The following TAOK3 variants were observed in gnomAD, a reference collection of about 807,000 sequenced individuals.
TAOK3 encodes the protein TAO kinase 3, also known as serine/threonine-protein kinase TAO3.
In TAOK3, 40 loss-of-function variants were observed where a neutral mutation model predicts 120.4. That is an observed-to-expected ratio of 0.33 (90% CI 0.26 to 0.43). TAOK3 has a LOEUF of 0.43. TAOK3 is among the 20% of genes least tolerant of loss of function. TAOK3 has a pLI of 1.00. For synonymous variants in TAOK3, 355 were observed against 387.5 expected, an observed-to-expected ratio of 0.92 and a Z score of 0.99; for missense variants, 821 against 1,112.1, an observed-to-expected ratio of 0.74 and a Z score of 3.72.
chr12:118,354,739 GCT>G (rs913245907), intron 1 of TAOK3, among the ~76,000 whole-genome samples: 7 of 152,090 alleles, frequency 4.6e-5, no homozygotes, highest in Non-Finnish European at 1.0e-4. Context: ...CTCTGCACAA[GCT>G]CTCTTTTTTG....
At position 118,199,121 on chromosome 12, in the gene TAOK3, C is replaced by A; in HGVS notation, c.1124G>T (p.Ser375Ile). ...NSMQEVMDESSSELVMMHDDE... is the reference protein window; with the variant it reads ...NSMQEVMDESISELVMMHDDE... ...ATCGTGCATCATGACAAGTTCGGAA[C>A]TGCTCTCGTCCATGACTTCCTGCAT... Residue 375 changes from serine (S) to isoleucine (I), a missense_variant, in exon 13 of 21, where the codon AGT (serine) becomes ATT (isoleucine). By Grantham distance (142) the Ser-to-Ile change is moderately radical. Transcript: ENST00000392533. 1 of 1,614,168 alleles carries A rather than the reference C, an allele frequency of 6.2e-7. No individual in the cohort carries two copies. The highest frequency in any genetic ancestry group is 2.2e-5 in the East Asian group (1 of 44,882).
intron 1 of TAOK3, among the ~76,000 whole-genome samples, chr12:118,282,902 G>A (rs1251077803): frequency 6.6e-6 from 1 of 152,188 alleles, no homozygotes; most frequent in Admixed American, 6.5e-5. Flanking sequence ...ACAGCAGAAG[G>A]AAGAACACTG....
At position 118,255,519 on chromosome 12, in the gene TAOK3, T is replaced by C. The variant is rs1479891437; in HGVS notation, c.49A>G (p.Lys17Glu). The C allele has an allele frequency of 6.2e-7, 1 of 1,614,176 alleles. No individual in the cohort carries two copies. Among genetic ancestry groups the C allele is most frequent in the East Asian group, 2.2e-5 (1 of 44,884 alleles). ...KDPEIADLFYKDDPEELFIGL... is the reference protein window; with the variant it reads ...KDPEIADLFYEDDPEELFIGL... ...ATAAAAAGTTCCTCAGGATCATCTTTGTAGAATAGATCGGCAATCTCTGGG... is the reference window on the plus strand; with the variant it reads ...ATAAAAAGTTCCTCAGGATCATCTTCGTAGAATAGATCGGCAATCTCTGGG... The change falls in exon 3 of 21, where the codon AAA (lysine) becomes GAA (glutamate). Residue 17 changes from lysine (K) to glutamate (E), a missense_variant. Transcript: ENST00000392533.
chr12:118,258,482 G>A (rs1003595664), intron 2 of TAOK3, among the ~76,000 whole-genome samples: 1 of 152,166 alleles, frequency 6.6e-6, no homozygotes, highest in Admixed American at 6.5e-5. Flanking sequence ...GGGAGGCCAA[G>A]GCAGGCAGAT....
Position 118,310,953 on chromosome 12 carries a change from A to G in TAOK3, c.-193-44194T>C, listed in dbSNP as rs142942203. 2.4e-4 allele frequency among the ~76,000 whole-genome samples: 36 copies of G among 152,328 alleles called. No individual in the cohort carries two copies. In the Middle Eastern group the frequency reaches 0.01, roughly 43 times the overall value. ...CCACAAATAATAGTTATTTTAATCT[A>G]TATCCACAAATAATAGTTACTGGCT... On this transcript the variant is annotated intron_variant, in intron 1 of 20. Coordinates refer to ENST00000392533, the MANE Select transcript of TAOK3 (RefSeq NM_016281.4).
Position 118,230,460 on chromosome 12 carries a change from G to GTTT in TAOK3, c.643+3211_643+3213dup, listed in dbSNP as rs71069433. Among the ~76,000 whole-genome samples, 51 of 50,032 alleles carry GTTT rather than the reference G, an allele frequency of 1.0e-3. 8 individuals carry two copies. The highest frequency in any genetic ancestry group is 1.4e-3 in the Non-Finnish European group (40 of 27,596). The allele number at this position is 50,032 out of a possible 152,430, so 32.8% of individuals were successfully genotyped here. A position where few individuals can be genotyped will look rare whatever the true frequency, so the allele number is the denominator to read the frequency against. ...GACTTCTGGGATTACCCTGTGAAGT[G>GTTT]TTTTTTTTTTTTTTTTTTTTTTTTT... On this transcript the variant is annotated intron_variant, in intron 9 of 20. Transcript: ENST00000392533.
chr12:118,368,917 G>A (rs1353279799), intron 1 of TAOK3, among the ~76,000 whole-genome samples: 1 of 151,124 alleles, frequency 6.6e-6, no homozygotes, highest in Non-Finnish European at 1.5e-5. Flanking sequence ...CCAGCACTTT[G>A]GCAGGTGGAG....
intron 1 of TAOK3, among the ~76,000 whole-genome samples, chr12:118,319,296 A>T (rs549944952): frequency 3.9e-5 from 6 of 152,344 alleles, no homozygotes; most frequent in Non-Finnish European, 8.8e-5. Context: ...TTTTACAGGA[A>T]ACAAAAGAAA....
At chr12:118,221,791 C>T (rs757703711) in intron 9 of TAOK3, among the ~76,000 whole-genome samples, 12 of 151,738 alleles carry the variant, frequency 7.9e-5, no homozygotes, top group Non-Finnish European at 1.5e-4. Context: ...CCCGCCACCA[C>T]GCCCGGCTAA....
intron 1 of TAOK3, among the ~76,000 whole-genome samples, chr12:118,338,952 A>G (rs1396958709): frequency 6.6e-6 from 1 of 152,134 alleles, no homozygotes; most frequent in Non-Finnish European, 1.5e-5. Flanking sequence ...AGAATAGAAC[A>G]TTCAAATGCA....
intron 3 of TAOK3, among the ~76,000 whole-genome samples, chr12:118,251,031 C>T (rs1302171161): frequency 6.6e-6 from 1 of 152,124 alleles, no homozygotes; most frequent in Non-Finnish European, 1.5e-5. Context: ...CATGAAGGAC[C>T]TTGTGGGCTG....
chr12:118,232,285 C>A (rs2039818045), intron 9 of TAOK3, among the ~76,000 whole-genome samples: 1 of 152,206 alleles, frequency 6.6e-6, no homozygotes, highest in African/African-American at 2.4e-5. Flanking sequence ...TTCTGTGGCA[C>A]TTTAGACAAT....
rs1189459898 is a variant in TAOK3 at position 118,150,330 on chromosome 12, ACT to A, written c.*665_*666del. On this transcript the variant is annotated 3_prime_UTR_variant, in exon 21 of 21. Coordinates refer to ENST00000392533, the MANE Select transcript of TAOK3 (RefSeq NM_016281.4). ...TCAGAATATGCTGAAGACAAGTTAA[ACT>A]CTTGCCAGCAGGTTCTTAAAAATCA... 6.6e-6 allele frequency: 1 copy of A among 152,484 alleles called. No homozygotes were observed. Among genetic ancestry groups the A allele is most frequent in the African/African-American group, 2.4e-5 (1 of 41,396 alleles). 9.4% of individuals were successfully genotyped at this position (152,484 alleles called of 1,614,324 possible).
intron 1 of TAOK3, among the ~76,000 whole-genome samples, chr12:118,310,636 T>C (rs2043225833): frequency 6.6e-6 from 1 of 152,214 alleles, no homozygotes; most frequent in Non-Finnish European, 1.5e-5. Flanking sequence ...CAGATTTCTA[T>C]TATCTGCCCA....
At chr12:118,217,777 ATATG>A (rs1470251325) in intron 9 of TAOK3, among the ~76,000 whole-genome samples, 2 of 139,060 alleles carry the variant, frequency 1.4e-5, no homozygotes, top group African/African-American at 5.2e-5. Context: ...TTTTATGTAT[ATATG>A]TATATGTATG....
chr12:118,216,622 C>T (rs1349691624), intron 9 of TAOK3, among the ~76,000 whole-genome samples: 8 of 152,146 alleles, frequency 5.3e-5, no homozygotes, highest in East Asian at 1.9e-4. Flanking sequence ...TTAGTTGTTA[C>T]GGAATAGAAG....
At chr12:118,341,499 A>G (rs2044618346) in intron 1 of TAOK3, among the ~76,000 whole-genome samples, 1 of 152,158 alleles carries the variant, frequency 6.6e-6, no homozygotes. Context: ...TAAACTTAGA[A>G]GTTTTAATAA....
chr12:118,169,711 T>C (rs998467444), intron 17 of TAOK3, among the ~76,000 whole-genome samples: 2 of 151,934 alleles, frequency 1.3e-5, no homozygotes, highest in African/African-American at 4.8e-5. Flanking sequence ...TTTGATTCCA[T>C]CATCTTTTCT....
At chr12:118,184,163 A>G (rs548337174) in intron 14 of TAOK3, among the ~76,000 whole-genome samples, 2 of 152,300 alleles carry the variant, frequency 1.3e-5, no homozygotes, top group South Asian at 2.1e-4. Flanking sequence ...TAATGTGGAT[A>G]ATTACCTTCT....
Sources: gnomAD v4.1 joint callset for allele counts (sites outside exome capture counted in the v4.1 genomes callset) on GRCh38, gnomAD v4.1.1 for gene constraint, MANE v1.5 for transcripts, NCBI Gene and HGNC (gene_info 2026-07-23, HGNC 2026-07-21) for gene names.